Variants in PARD3B observed in about 807,000 individuals in gnomAD.
PARD3B encodes the protein partitioning defective 3 homolog B.
A neutral mutation model predicts 130.2 loss-of-function variants in PARD3B; 103 were observed. That is an observed-to-expected ratio of 0.79 (90% CI 0.67 to 0.93). The LOEUF is 0.93. PARD3B is among the 40% of genes least tolerant of loss of function. PARD3B has a pLI of 0.00. For synonymous variants in PARD3B, 583 were observed against 553.2 expected (o/e 1.05, Z -0.76); for missense variants, 1,609 against 1,499.2 (o/e 1.07, Z -1.21).
intron 3 of PARD3B, among the ~76,000 whole-genome samples, chr2:204,974,044 T>A (rs546043353): frequency 6.6e-6 from 1 of 152,336 alleles, no homozygotes; most frequent in Admixed American, 6.5e-5. Context: ...ATTCTGTTTA[T>A]TCATTGGCTT....
At chr2:205,367,896 A>C (rs541508194) in intron 18 of PARD3B, among the ~76,000 whole-genome samples, 5 of 152,088 alleles carry the variant, frequency 3.3e-5, no homozygotes, top group Non-Finnish European at 7.4e-5. Flanking sequence ...TACTCCTTTT[A>C]TTCTTTTAAT....
intron 15 of PARD3B, among the ~76,000 whole-genome samples, chr2:205,238,849 A>AAAAAAAAATATATATAT (rs1273582854): frequency 1.3e-5 from 1 of 76,916 alleles, no homozygotes; most frequent in African/African-American, 5.3e-5. Context: ...AAAAAAAAAA[A>AAAAAAAAATATATATAT]ATATATATAT....
At chr2:205,055,586 G>A (rs1187897943) in intron 4 of PARD3B, among the ~76,000 whole-genome samples, 1 of 152,106 alleles carries the variant, frequency 6.6e-6, no homozygotes, top group Non-Finnish European at 1.5e-5. Flanking sequence ...TAGTTAAATA[G>A]TGGGTGATTT....
At chr2:204,620,296 C>T (rs1017890510) in intron 1 of PARD3B, among the ~76,000 whole-genome samples, 2 of 152,162 alleles carry the variant, frequency 1.3e-5, no homozygotes, top group Non-Finnish European at 2.9e-5. Context: ...AGACACCTCA[C>T]CCGGCTCATG....
At position 205,291,705 on chromosome 2, in the gene PARD3B, T is replaced by C. The variant is rs1383710898; in HGVS notation, c.2186-8825T>C. On this transcript the variant is annotated intron_variant, in intron 16 of 22. Transcript: ENST00000406610. This position sits in a 1 kb window ranked among gnomAD's most constrained non-coding sequence, Gnocchi z 4.6. ...AAAATTCAAGATGAGAAAAATGACC[T>C]AAAGATGGAATTGTCCATCAAAAAG... 6.6e-6 allele frequency among the ~76,000 whole-genome samples: 1 copy of C among 152,194 alleles called. No homozygotes were observed. Among genetic ancestry groups the C allele is most frequent in the Non-Finnish European group, 1.5e-5 (1 of 68,024 alleles).
In PARD3B at chr2:205,105,288, GTGTT is replaced by G. The variant is rs1253701605; in HGVS notation, c.593+777_593+780del. On this transcript the variant is annotated intron_variant, in intron 5 of 22. Coordinates refer to ENST00000406610, the MANE Select transcript of PARD3B (RefSeq NM_001302769.2). The surrounding 1 kb of genome is among the most constrained non-coding windows in gnomAD (Gnocchi z 4.0). The stretch of plus-strand genomic sequence containing the variant: ...GTTGTGGTTAGGATAAATCCTGTGA[GTGTT>G]TGCTGCTGTTTCTACTACTATCATT... Among the ~76,000 whole-genome samples the G allele has an allele frequency of 3.5e-4, 53 of 152,190 alleles. No individual in the cohort carries two copies. Among genetic ancestry groups the G allele is most frequent in the Non-Finnish European group, 7.4e-4 (50 of 68,026 alleles).
At chr2:204,859,639 A>G (rs1396657890) in intron 2 of PARD3B, among the ~76,000 whole-genome samples, 1 of 152,224 alleles carries the variant, frequency 6.6e-6, no homozygotes, top group Non-Finnish European at 1.5e-5. Flanking sequence ...TAGTATAGCA[A>G]AGTCTTCCAC....
chr2:204,860,235 A>G (rs1362695945), intron 2 of PARD3B, among the ~76,000 whole-genome samples: 2 of 152,202 alleles, frequency 1.3e-5, no homozygotes, highest in Non-Finnish European at 2.9e-5. Context: ...ATCAAAGGAA[A>G]TTGTTTCATT....
chr2:204,682,428 A>T (rs1194345773), intron 1 of PARD3B, among the ~76,000 whole-genome samples: 1 of 152,204 alleles, frequency 6.6e-6, no homozygotes, highest in Non-Finnish European at 1.5e-5. Context: ...TACAAAACAC[A>T]TAGTACCTAT....
chr2:204,872,009 CA>C (rs2045647728), intron 2 of PARD3B, among the ~76,000 whole-genome samples: 1 of 151,994 alleles, frequency 6.6e-6, no homozygotes, highest in African/African-American at 2.4e-5. Flanking sequence ...ACTCAAAAAA[CA>C]AAAACCCAAA....
intron 3 of PARD3B, among the ~76,000 whole-genome samples, chr2:205,035,926 C>CTATATATA (rs200017661): frequency 3.2e-4 from 40 of 126,074 alleles, no homozygotes; most frequent in African/African-American, 9.8e-4. Context: ...TCTGACTCCA[C>CTATATATA]TATATATATA....
At chr2:205,536,185 G>A (rs899788768) in intron 21 of PARD3B, among the ~76,000 whole-genome samples, 2 of 152,140 alleles carry the variant, frequency 1.3e-5, no homozygotes, top group Non-Finnish European at 2.9e-5. Flanking sequence ...AGAATTGTGA[G>A]GTGGAACAAG....
rs949751295 is a variant in PARD3B, at chr2:205,288,721, T to C, written c.2186-11809T>C. 5.3e-4 allele frequency among the ~76,000 whole-genome samples: 80 copies of C among 152,338 alleles called. No individual in the cohort carries two copies. The highest frequency in any genetic ancestry group is 1.9e-3 in the African/African-American group (78 of 41,576). The stretch of plus-strand genomic sequence containing the variant: ...CACCCCCCAGGAGACGTGTTTGGAC[T>C]TTTCCTCATGCCTTTTCCTCTAAGT... On this transcript the variant is annotated intron_variant, in intron 16 of 22. Transcript: ENST00000406610. This position sits in a 1 kb window ranked among gnomAD's most constrained non-coding sequence, Gnocchi z 4.0.
intron 4 of PARD3B, among the ~76,000 whole-genome samples, chr2:205,063,257 G>A (rs761359300): frequency 1.7e-4 from 26 of 151,870 alleles, no homozygotes; most frequent in African/African-American, 2.4e-4. Context: ...ATCATTATAC[G>A]TTGTATGAAT....
intron 1 of PARD3B, among the ~76,000 whole-genome samples, chr2:204,630,452 A>C (rs1474973655): frequency 6.6e-6 from 1 of 152,158 alleles, no homozygotes; most frequent in Non-Finnish European, 1.5e-5. Flanking sequence ...TATGTTTTTG[A>C]ACATCTCTAT....
intron 3 of PARD3B, among the ~76,000 whole-genome samples, chr2:205,004,402 T>C (rs892163612): frequency 6.6e-6 from 1 of 152,246 alleles, no homozygotes; most frequent in Non-Finnish European, 1.5e-5. Flanking sequence ...AATAAGGTTT[T>C]GTTATAAAAA....
At chr2:204,567,711 A>G (rs2031757085) in intron 1 of PARD3B, among the ~76,000 whole-genome samples, 2 of 152,110 alleles carry the variant, frequency 1.3e-5, no homozygotes, top group South Asian at 2.1e-4. Flanking sequence ...TGCTTTCACT[A>G]TTTTCGGGTG....
chr2:204,921,993 T>G (rs1422085640), intron 2 of PARD3B, among the ~76,000 whole-genome samples: 1 of 152,078 alleles, frequency 6.6e-6, no homozygotes, highest in Non-Finnish European at 1.5e-5. Context: ...ACCAAAATGC[T>G]TAGCAAGTTT....
chr2:205,252,837 G>A (rs1389792066), intron 16 of PARD3B, among the ~76,000 whole-genome samples: 1 of 66,148 alleles, frequency 1.5e-5, no homozygotes, highest in African/African-American at 4.5e-5. Context: ...AACCTGAAGG[G>A]ACCCCCCCCC....
Sources: allele counts gnomAD v4.1 joint callset (sites outside exome capture counted in the v4.1 genomes callset), GRCh38; gene constraint gnomAD v4.1.1; non-coding constraint Gnocchi (gnomAD v3.1); transcripts MANE v1.5; gene names NCBI Gene and HGNC (gene_info 2026-07-23, HGNC 2026-07-21).